ITGB3BP: variants seen among roughly 807,000 people sequenced by gnomAD.
ITGB3BP encodes integrin subunit beta 3 binding protein.
A neutral mutation model predicts 29.1 loss-of-function variants in ITGB3BP; 27 were observed. The ratio of observed to expected loss-of-function variants is 0.93; its 90% confidence interval spans 0.68 to 1.28. The LOEUF (loss-of-function observed/expected upper bound fraction) is 1.28. ITGB3BP is among the 50% of genes most tolerant of loss of function. The pLI is 0.00. For synonymous variants in ITGB3BP, 61 were observed against 61.4 expected, an observed-to-expected ratio of 0.99 and a Z score of 0.03; for missense variants, 192 against 200.2, an observed-to-expected ratio of 0.96 and a Z score of 0.25.
At chr1:63,489,712 T>G (rs1380211863) in intron 3 of ITGB3BP, among the ~76,000 whole-genome samples, 2 of 152,078 alleles carry the variant, frequency 1.3e-5, no homozygotes, top group Non-Finnish European at 2.9e-5. Context: ...AAATAACATT[T>G]AGAAGTATCA....
intron 4 of ITGB3BP, among the ~76,000 whole-genome samples, chr1:63,462,907 A>C (rs1645039988): frequency 6.6e-6 from 1 of 152,236 alleles, no homozygotes; most frequent in Admixed American, 6.5e-5. Context: ...CAAAAAATAC[A>C]CATCTAAAAA....
intron 7 of ITGB3BP, among the ~76,000 whole-genome samples, chr1:63,450,011 T>C (rs1422666346): frequency 2.0e-5 from 3 of 151,912 alleles, no homozygotes; most frequent in African/African-American, 7.2e-5. Flanking sequence ...ATCAAACTAT[T>C]TTATAGTGTT....
intron 3 of ITGB3BP, among the ~76,000 whole-genome samples, chr1:63,487,279 T>C (rs773805186): frequency 1.3e-5 from 2 of 152,078 alleles, no homozygotes; most frequent in Non-Finnish European, 2.9e-5. Flanking sequence ...ATAATCTTCA[T>C]GTAAGTGGAC....
rs779743937 is a variant in ITGB3BP at position 63,454,019 on chromosome 1, G to A, written c.428-45C>T. The A allele has an allele frequency of 2.6e-5, 28 of 1,094,142 alleles. No individual in the cohort carries two copies. The highest frequency in any genetic ancestry group is 4.2e-4 in the Middle Eastern group (2 of 4,810). 67.8% of individuals were successfully genotyped at this position (1,094,142 alleles called of 1,614,324 possible). On this transcript the variant is annotated intron_variant, in intron 6 of 8. Transcript: ENST00000271002. The surrounding 1 kb of genome is among the most constrained non-coding windows in gnomAD (Gnocchi z 4.1). ...CATGTCAAGAATTAACATAGAATATGGATAATTTCTCAATACTTGCAACAA... is the reference window on the plus strand; with the variant it reads ...CATGTCAAGAATTAACATAGAATATAGATAATTTCTCAATACTTGCAACAA...
At chr1:63,491,630 T>C (rs963826767) in intron 2 of ITGB3BP, among the ~76,000 whole-genome samples, 7 of 152,182 alleles carry the variant, frequency 4.6e-5, no homozygotes, top group Non-Finnish European at 7.3e-5. Context: ...GTCATCTTTT[T>C]TAGTAATCTT....
intron 2 of ITGB3BP, among the ~76,000 whole-genome samples, chr1:63,506,288 T>A (rs1646078385): frequency 6.6e-6 from 1 of 152,226 alleles, no homozygotes; most frequent in Non-Finnish European, 1.5e-5. Context: ...TTGTCTCTTT[T>A]GATCTTTGTT....
At chr1:63,505,726 T>A (rs529554922) in intron 2 of ITGB3BP, among the ~76,000 whole-genome samples, 351 of 152,308 alleles carry the variant, frequency 2.3e-3, no homozygotes, top group African/African-American at 8.2e-3. Flanking sequence ...TTTGTTCTCG[T>A]TGGTTTCAAA....
chr1:63,519,326 T>A, intron 1 of ITGB3BP, among the ~76,000 whole-genome samples: 1 of 152,104 alleles, frequency 6.6e-6, no homozygotes, highest in African/African-American at 2.4e-5. Flanking sequence ...TCATGTAATT[T>A]ATTGAATATT....
chr1:63,482,914 A>C (rs1196264543), intron 3 of ITGB3BP, among the ~76,000 whole-genome samples: 1 of 152,170 alleles, frequency 6.6e-6, no homozygotes, highest in Non-Finnish European at 1.5e-5. Context: ...TCAGCCCCCC[A>C]AAGTGCTGGG....
intron 4 of ITGB3BP, among the ~76,000 whole-genome samples, chr1:63,474,522 T>C (rs952943596): frequency 3.6e-4 from 55 of 150,746 alleles, no homozygotes; most frequent in Admixed American, 5.9e-4. Flanking sequence ...GAAGTAGACA[T>C]GGGAGACTTT....
rs948818428 is a variant in ITGB3BP, at chr1:63,454,257, G to A, written c.427+123C>T. On this transcript the variant is annotated intron_variant, in intron 6 of 8. Coordinates refer to ENST00000271002, the MANE Select transcript of ITGB3BP (RefSeq NM_014288.5). The surrounding 1 kb of genome is among the most constrained non-coding windows in gnomAD (Gnocchi z 4.1). ...ACATGTGGCTTCTTATTTAAAGAAG[G>A]TAATAGTATTTTTATCACATGTCCA... is the stretch of plus-strand genomic sequence containing the variant. 5.6e-5 allele frequency: 28 copies of A among 504,266 alleles called. No individual in the cohort carries two copies. Among genetic ancestry groups the A allele is most frequent in the African/African-American group, 5.0e-4 (25 of 50,224 alleles). The allele number at this position is 504,266 out of a possible 1,614,324, so 31.2% of individuals were successfully genotyped here. A position where few individuals can be genotyped will look rare whatever the true frequency, so the allele number is the denominator to read the frequency against.
At chr1:63,479,305 T>C (rs1186252830) in intron 3 of ITGB3BP, among the ~76,000 whole-genome samples, 10 of 152,224 alleles carry the variant, frequency 6.6e-5, no homozygotes, top group Non-Finnish European at 1.3e-4. Context: ...AATTTGATTT[T>C]AGGGGTAAAA....
chr1:63,484,954 T>C (rs1169346498), intron 3 of ITGB3BP, among the ~76,000 whole-genome samples: 4 of 152,076 alleles, frequency 2.6e-5, no homozygotes, highest in Non-Finnish European at 5.9e-5. Context: ...CTATCTCTTA[T>C]GTAAAGAGCC....
In ITGB3BP at chr1:63,473,352, G is replaced by A. The variant is rs1221507716; in HGVS notation, c.254+5412C>T. On this transcript the variant is annotated intron_variant, in intron 4 of 8. Coordinates refer to ENST00000271002, the MANE Select transcript of ITGB3BP (RefSeq NM_014288.5). ...CCGTCCGGGAGGGAGGTGGCGGGGGGTCAGCCCCCCGCCCGGCCAGCCGCC... is the reference window on the plus strand; with the variant it reads ...CCGTCCGGGAGGGAGGTGGCGGGGGATCAGCCCCCCGCCCGGCCAGCCGCC... Among the ~76,000 whole-genome samples, 5 of 149,888 alleles carry A rather than the reference G, an allele frequency of 3.3e-5. No homozygotes were observed. The East Asian group carries it at 8.3e-4, about 25-fold the overall frequency.
chr1:63,456,928 C>A (rs1323479702), intron 4 of ITGB3BP, among the ~76,000 whole-genome samples: 1 of 152,146 alleles, frequency 6.6e-6, no homozygotes, highest in African/African-American at 2.4e-5. Context: ...TTTTAACAAT[C>A]TTGGAGACTT....
upstream of ITGB3BP, chr1:63,523,398 C>G: frequency 1.8e-6 from 1 of 554,498 alleles, no homozygotes; most frequent in South Asian, 2.0e-5. Flanking sequence ...CTACTCTGGC[C>G]ATACCACCCC....
At chr1:63,467,321 G>A (rs893229572) in intron 4 of ITGB3BP, among the ~76,000 whole-genome samples, 1 of 151,750 alleles carries the variant, frequency 6.6e-6, no homozygotes, top group Non-Finnish European at 1.5e-5. Context: ...AAAGCATCTT[G>A]CTTTCTAAAT....
intron 1 of ITGB3BP, among the ~76,000 whole-genome samples, chr1:63,520,267 A>T (rs995530103): frequency 6.6e-6 from 1 of 152,198 alleles, no homozygotes; most frequent in Non-Finnish European, 1.5e-5. Flanking sequence ...GAGGACACTG[A>T]GTAACAATCT....
intron 4 of ITGB3BP, among the ~76,000 whole-genome samples, chr1:63,467,474 C>A (rs116381568): frequency 6.6e-6 from 1 of 151,910 alleles, no homozygotes; most frequent in Non-Finnish European, 1.5e-5. Flanking sequence ...CTCAGCCTCT[C>A]GAGTAGTGGG....
Sources: allele counts gnomAD v4.1 joint callset (sites outside exome capture counted in the v4.1 genomes callset), GRCh38; gene constraint gnomAD v4.1.1; non-coding constraint Gnocchi (gnomAD v3.1); transcripts MANE v1.5; gene names NCBI Gene and HGNC (gene_info 2026-07-23, HGNC 2026-07-21).